RBM43: variants seen among roughly 807,000 people sequenced by gnomAD.
RBM43 encodes RNA binding motif protein 43, also known as RNA-binding protein 43.
Under a neutral mutation model 12.4 loss-of-function variants are expected in RBM43, and 12 were observed. The ratio of observed to expected loss-of-function variants is 0.97; its 90% CI spans 0.62 to 1.57. RBM43 has a LOEUF of 1.57. Ranked by LOEUF, RBM43 falls within the 40% of genes most tolerant of loss-of-function variation. The probability of loss-of-function intolerance (pLI) is 0.00; values close to 1 mark genes in which losing one functional copy is unlikely to be tolerated. For synonymous variants in RBM43, 138 were observed against 145.7 expected, an observed-to-expected ratio of 0.95 and a Z score of 0.38; for missense variants, 348 against 400.1, an observed-to-expected ratio of 0.87 and a Z score of 1.11.
rs776506994 is a variant in RBM43 at position 151,250,961 on chromosome 2, T to A, written c.1019A>T (p.Asp340Val). The change falls in exon 4 of 4, where the codon GAC becomes GTC. Residue 340 changes from aspartate (D) to valine (V), a missense_variant. Transcript: ENST00000331426. ...THIDIIGSSS[D>V]TYLFKKGVMK... ...GACCCCTTTTTTAAACAGGTAAGTGTCAGAAGAAGATCCTATAATGTCAAT... is the reference window on the plus strand; with the variant it reads ...GACCCCTTTTTTAAACAGGTAAGTGACAGAAGAAGATCCTATAATGTCAAT... 9 of 1,609,778 alleles carry A rather than the reference T, an allele frequency of 5.6e-6. No homozygotes were observed. Among genetic ancestry groups the A allele is most frequent in the Non-Finnish European group, 7.6e-6 (9 of 1,178,064 alleles).
At chr2:151,259,677 G>T (rs867387080) in intron 1 of RBM43, among the ~76,000 whole-genome samples, 1 of 151,612 alleles carries the variant, frequency 6.6e-6, no homozygotes, top group Non-Finnish European at 1.5e-5. Context: ...ATTTAAATAT[G>T]GTTACAAAAA....
At chr2:151,252,115 G>A (rs975685490) in intron 3 of RBM43, among the ~76,000 whole-genome samples, 9 of 152,146 alleles carry the variant, frequency 5.9e-5, no homozygotes, top group Middle Eastern at 3.4e-3. Context: ...CTTACTTTCT[G>A]TCTCTTCAAA....
chr2:151,261,371 G>A, intron 1 of RBM43: 2 of 1,550,632 alleles, frequency 1.3e-6, no homozygotes, highest in Non-Finnish European at 1.7e-6. Context: ...AACAGCCTGC[G>A]AAGCAGCTCC....
Position 151,250,814 on chromosome 2 carries a change from G to GAGAT in RBM43, c.*88_*91dup. On this transcript the variant is annotated 3_prime_UTR_variant, in exon 4 of 4. Transcript: ENST00000331426. ...AAGAAGGATGACTATAAGGATTCATGAGATACGGTGTGTAAAGCTAGCCTC... is the reference window on the plus strand; with the variant it reads ...AAGAAGGATGACTATAAGGATTCATGAGATAGATACGGTGTGTAAAGCTAGCCTC... The GAGAT allele has an allele frequency of 1.2e-6, 1 of 852,794 alleles. No individual in the cohort carries two copies. The highest frequency in any genetic ancestry group is 1.8e-6 in the Non-Finnish European group (1 of 540,786). The allele number at this position is 852,794 out of a possible 1,614,324, so 52.8% of individuals were successfully genotyped here. A position where few individuals can be genotyped will look rare whatever the true frequency, so the allele number is the denominator to read the frequency against.
chr2:151,257,816 T>C (rs1682994098), intron 1 of RBM43, among the ~76,000 whole-genome samples: 1 of 152,170 alleles, frequency 6.6e-6, no homozygotes, highest in Admixed American at 6.5e-5. Flanking sequence ...ACGCCTGTAA[T>C]CCCAGCACTT....
In RBM43 at chr2:151,261,834, C is replaced by T; in HGVS notation, c.-107G>A. 2 of 1,307,088 alleles carry T rather than the reference C, an allele frequency of 1.5e-6. No individual in the cohort carries two copies. Among genetic ancestry groups the T allele is most frequent in the South Asian group, 1.3e-5 (1 of 74,400 alleles). The allele number at this position is 1,307,088 out of a possible 1,614,324, so 81.0% of individuals were successfully genotyped here. A position where few individuals can be genotyped will look rare whatever the true frequency, so the allele number is the denominator to read the frequency against. On this transcript the variant is annotated 5_prime_UTR_variant, in exon 1 of 4. Coordinates refer to ENST00000331426, the MANE Select transcript of RBM43 (RefSeq NM_198557.3). ...GCAGGTTTTGGTTTCGTTTTTTGTT[C>T]CAGCTCCCTTGGAGGCTACGAAGAA...
chr2:151,261,277 C>G lies in RBM43; in HGVS notation c.3+448G>C, dbSNP rs1239888867. 1.9e-6 allele frequency: 3 copies of G among 1,550,392 alleles called. No individual in the cohort carries two copies. The South Asian group carries it at 3.6e-5, about 18-fold the overall frequency. On this transcript the variant is annotated intron_variant, in intron 1 of 3. Coordinates refer to ENST00000331426, the MANE Select transcript of RBM43 (RefSeq NM_198557.3). ...TCGAATCGTTCTTATTAGCCCTTTT[C>G]AAAAGGCAGCTGTGACCTCCATTTC...
At chr2:151,259,357 TA>T (rs1429881593) in intron 1 of RBM43, among the ~76,000 whole-genome samples, 1 of 151,954 alleles carries the variant, frequency 6.6e-6, no homozygotes, top group African/African-American at 2.4e-5. Flanking sequence ...TGCTAAGTCT[TA>T]AAAAAGGCCA....
chr2:151,251,938 T>C (rs979292481), intron 3 of RBM43, among the ~76,000 whole-genome samples: 5 of 152,210 alleles, frequency 3.3e-5, no homozygotes, highest in Admixed American at 2.6e-4. Flanking sequence ...AACAGTTTTA[T>C]GCAGAACCAA....
chr2:151,256,679 C>T (rs765873604), intron 1 of RBM43, among the ~76,000 whole-genome samples: 8 of 152,010 alleles, frequency 5.3e-5, no homozygotes, highest in Non-Finnish European at 7.4e-5. Flanking sequence ...AGCAGCTGGG[C>T]GTGATGGCGG....
At chr2:151,254,661 G>A (rs772159341) in intron 2 of RBM43, among the ~76,000 whole-genome samples, 1 of 152,122 alleles carries the variant, frequency 6.6e-6, no homozygotes, top group Admixed American at 6.6e-5. Context: ...AAGGTTGCCC[G>A]TTCCATGAGG....
rs568323208 is a variant in RBM43, at chr2:151,256,035, C to T, written c.4-292G>A. Among the ~76,000 whole-genome samples, 200 of 152,270 alleles carry T rather than the reference C, an allele frequency of 1.3e-3. 4 individuals are homozygous for T. Among genetic ancestry groups the T allele is most frequent in the South Asian group, 5.2e-3 (25 of 4,834 alleles). On this transcript the variant is annotated intron_variant, in intron 1 of 3. Transcript: ENST00000331426. ...GGAGTGCAGTGGTATGATCTCAGCT[C>T]GCTACAATCTCTGCCTCCCAGGTTC...
rs560044050 is a variant in RBM43, at chr2:151,250,759, G to A, written c.*147C>T. The A allele has an allele frequency of 8.6e-5, 50 of 582,182 alleles. No individual in the cohort carries two copies. Among genetic ancestry groups the A allele is most frequent in the Non-Finnish European group, 1.3e-4 (43 of 341,604 alleles). The allele number at this position is 582,182 out of a possible 1,614,324, so 36.1% of individuals were successfully genotyped here. On this transcript the variant is annotated 3_prime_UTR_variant, in exon 4 of 4. Coordinates refer to ENST00000331426, the MANE Select transcript of RBM43 (RefSeq NM_198557.3). ...ACTTCTCCAAATCCTAGTTTCTTCC[G>A]CTGTAACATGAGGATAGTCAACACT...
intron 2 of RBM43, 43 bp from the exon 3 acceptor site, chr2:151,252,898 C>T (rs1682924007): frequency 3.3e-6 from 3 of 897,200 alleles, no homozygotes; most frequent in South Asian, 3.3e-5. Context: ...TGGCATGATA[C>T]ACTAATAATT....
intron 1 of RBM43, among the ~76,000 whole-genome samples, chr2:151,257,795 C>T (rs972872714): frequency 2.6e-5 from 4 of 152,022 alleles, no homozygotes; most frequent in African/African-American, 9.7e-5. Context: ...AGTGGCCGGG[C>T]GTGGTGGCTC....
At chr2:151,252,282 G>T (rs535646087) in intron 3 of RBM43, among the ~76,000 whole-genome samples, 13 of 152,092 alleles carry the variant, frequency 8.5e-5, no homozygotes, top group African/African-American at 1.7e-4. Flanking sequence ...CAGCACTTTG[G>T]GGGGCTGAGG....
chr2:151,251,488 T>C lies in RBM43; in HGVS notation c.492A>G (p.Glu164=). The C allele has an allele frequency of 6.2e-7, 1 of 1,614,224 alleles. No homozygotes were observed. Among genetic ancestry groups the C allele is most frequent in the South Asian group, 1.1e-5 (1 of 91,086 alleles). Residue 164 remains glutamate (E), a synonymous_variant, in exon 4 of 4, where the codon GAA becomes GAG. Coordinates refer to ENST00000331426, the MANE Select transcript of RBM43 (RefSeq NM_198557.3). ...GSFLAVKRLR[E]SLLARACSLL... ...GAGAACATGCTCTTGCTAGCAAAGA[T>C]TCTCTGAGCCTCTTGACAGCCAGAA...
intron 2 of RBM43, among the ~76,000 whole-genome samples, chr2:151,254,176 GA>G (rs1025503493): frequency 8.6e-5 from 13 of 151,374 alleles, no homozygotes; most frequent in Admixed American, 2.0e-4. Flanking sequence ...TACATCTCAA[GA>G]AAAAAAAGGC....
Position 151,251,395 on chromosome 2 carries a change from A to G in RBM43, c.585T>C (p.Asn195=). 6.2e-7 allele frequency: 1 copy of G among 1,614,222 alleles called. No individual in the cohort carries two copies. Among genetic ancestry groups the G allele is most frequent in the African/African-American group, 1.3e-5 (1 of 75,066 alleles). ...RKWNRQNPQR[N]LQRSNNSLAS... ...CCAAAGAGTTATTACTTCTCTGTAG[A>G]TTCCTCTGGGGATTTTGTCTATTCC... Residue 195 remains asparagine, a synonymous_variant, in exon 4 of 4, where the codon AAT becomes AAC. Coordinates refer to ENST00000331426, the MANE Select transcript of RBM43 (RefSeq NM_198557.3).
Sources: gnomAD v4.1 joint callset for allele counts (sites outside exome capture counted in the v4.1 genomes callset) on GRCh38, gnomAD v4.1.1 for gene constraint, MANE v1.5 for transcripts, NCBI Gene and HGNC (gene_info 2026-07-23, HGNC 2026-07-21) for gene names.